The following CCSER2 variants were observed in gnomAD, a reference collection of about 807,000 sequenced individuals.
CCSER2 encodes coiled-coil serine rich protein 2, also known as serine-rich coiled-coil domain-containing protein 2.
Under a neutral mutation model 92.3 loss-of-function variants are expected in CCSER2, and 46 were observed. The observed-to-expected ratio is 0.50, with a 90% CI of 0.39 to 0.64. CCSER2 has a LOEUF of 0.64. CCSER2 is among the 30% of genes least tolerant of loss of function. The pLI, the probability that CCSER2 is intolerant of heterozygous loss-of-function variation, is 0.00. For synonymous variants in CCSER2, 433 were observed against 431.4 expected (o/e 1.00, Z -0.04); for missense variants, 1,244 against 1,238.9 (o/e 1.00, Z -0.06).
chr10:84,349,229 C>CA (rs1272728035), intron 1 of CCSER2, among the ~76,000 whole-genome samples: 4 of 152,208 alleles, frequency 2.6e-5, no homozygotes, highest in African/African-American at 9.7e-5. Flanking sequence ...ATGCCTCCCA[C>CA]AAACCTTCCT....
rs570971364 is a variant in CCSER2 at position 84,427,819 on chromosome 10, C to G, written c.1868+1926C>G. ...ACATTCTCCTAATCATAACTGAAAC[C>G]TAGCTCTTTCCCAAATATACTACTT... On this transcript the variant is annotated intron_variant, in intron 5 of 9. Coordinates refer to ENST00000372088, the MANE Select transcript of CCSER2 (RefSeq NM_001284240.2). Among the ~76,000 whole-genome samples the G allele has an allele frequency of 3.9e-5, 6 of 152,276 alleles. 1 individual carries two copies. The South Asian group carries it at 1.2e-3, about 32-fold the overall frequency.
At chr10:84,477,188 A>G (rs1847198067) in intron 8 of CCSER2, among the ~76,000 whole-genome samples, 1 of 152,230 alleles carries the variant, frequency 6.6e-6, no homozygotes, top group Non-Finnish European at 1.5e-5. Flanking sequence ...ATAAAATCAT[A>G]TATTGTATGT....
In CCSER2 at chr10:84,373,815, A is replaced by G. The variant is rs1239701767; in HGVS notation, c.1614A>G (p.Ile538Met). 1 of 1,613,656 alleles carries G rather than the reference A, an allele frequency of 6.2e-7. No homozygotes were observed. Among genetic ancestry groups the G allele is most frequent in the Non-Finnish European group, 8.5e-7 (1 of 1,179,716 alleles). Reference protein sequence around the residue: ...GSYESSEMNSIDILNNLESCD... With the variant: ...GSYESSEMNSMDILNNLESCD... ...ATGAGTCCTCTGAAATGAACAGCAT[A>G]GTATGTATGGATTTATATACTCTTG... Residue 538 changes from isoleucine (I) to methionine (M), a missense_variant and splice_region_variant, in exon 3 of 10, where the codon ATA (isoleucine) becomes ATG (methionine). Ile to Met is a conservative substitution (Grantham distance 10, BLOSUM62 1). Coordinates refer to ENST00000372088, the MANE Select transcript of CCSER2 (RefSeq NM_001284240.2).
rs570184432 is a variant in CCSER2, at chr10:84,434,707, A to G, written c.1869-3805A>G. ...TTTTATTTAATATTTACTATATATT[A>G]TGTATTAGTCCAAGCACTTTAACAT... On this transcript the variant is annotated intron_variant, in intron 5 of 9. Transcript: ENST00000372088. Among the ~76,000 whole-genome samples, 11 of 152,266 alleles carry G rather than the reference A, an allele frequency of 7.2e-5. 1 individual carries two copies. The highest frequency in any genetic ancestry group is 2.0e-4 in the Admixed American group (3 of 15,290).
At chr10:84,339,804 A>G (rs935023209) in intron 1 of CCSER2, among the ~76,000 whole-genome samples, 4 of 150,990 alleles carry the variant, frequency 2.6e-5, no homozygotes, top group African/African-American at 9.7e-5. Context: ...AATACCATTC[A>G]TCTTCTCAGC....
chr10:84,476,743 G>A (rs969922021), intron 8 of CCSER2, among the ~76,000 whole-genome samples: 2 of 151,902 alleles, frequency 1.3e-5, no homozygotes, highest in African/African-American at 4.8e-5. Context: ...GTGCCTGGCC[G>A]GGAGAATTCT....
intron 3 of CCSER2, among the ~76,000 whole-genome samples, chr10:84,376,979 C>T (rs1209979686): frequency 6.6e-6 from 1 of 151,984 alleles, no homozygotes; most frequent in Non-Finnish European, 1.5e-5. Context: ...TAGGATATAT[C>T]CTCTTCTGTG....
At chr10:84,454,436 G>C (rs569032865) in intron 6 of CCSER2, among the ~76,000 whole-genome samples, 1 of 152,252 alleles carries the variant, frequency 6.6e-6, no homozygotes, top group South Asian at 2.1e-4. Flanking sequence ...TCAAGCTAGT[G>C]CAGTTCTATT....
intron 8 of CCSER2, among the ~76,000 whole-genome samples, chr10:84,474,091 A>G (rs1189816916): frequency 1.3e-5 from 2 of 152,230 alleles, no homozygotes; most frequent in African/African-American, 2.4e-5. Flanking sequence ...AATGCTAAGA[A>G]TGCCTGTTTA....
At chr10:84,365,650 C>G (rs1845740317) in intron 1 of CCSER2, among the ~76,000 whole-genome samples, 1 of 152,222 alleles carries the variant, frequency 6.6e-6, no homozygotes, top group Non-Finnish European at 1.5e-5. Flanking sequence ...AACAGTGTGT[C>G]TCTCTTGTGG....
At chr10:84,469,289 TTTTGTCTTTATGAA>T (rs1386904902) in intron 7 of CCSER2, among the ~76,000 whole-genome samples, 1 of 152,190 alleles carries the variant, frequency 6.6e-6, no homozygotes, top group African/African-American at 2.4e-5. Context: ...AATCCATCTT[TTTTGTCTTTATGAA>T]TTTTTATAAT....
intron 9 of CCSER2, among the ~76,000 whole-genome samples, chr10:84,501,505 T>A (rs185195338): frequency 5.3e-5 from 8 of 152,240 alleles, no homozygotes; most frequent in Non-Finnish European, 8.8e-5. Flanking sequence ...AAATAGAGTT[T>A]CAGCTTTACT....
chr10:84,437,167 A>C (rs1368856314), intron 5 of CCSER2, among the ~76,000 whole-genome samples: 1 of 151,858 alleles, frequency 6.6e-6, no homozygotes, highest in Non-Finnish European at 1.5e-5. Context: ...AGAGAGAGAG[A>C]GAGAGAGACA....
intron 6 of CCSER2, among the ~76,000 whole-genome samples, chr10:84,463,300 T>A (rs980332067): frequency 1.3e-5 from 2 of 152,222 alleles, no homozygotes; most frequent in African/African-American, 2.4e-5. Context: ...TTAACTACCG[T>A]ACACTCAGGA....
intron 3 of CCSER2, among the ~76,000 whole-genome samples, chr10:84,412,353 T>C (rs1172539562): frequency 6.6e-6 from 1 of 152,184 alleles, no homozygotes; most frequent in Non-Finnish European, 1.5e-5. Context: ...TTGAATAGTT[T>C]TAAGTAGAAC....
Position 84,470,597 on chromosome 10 carries a change from G to A in CCSER2, c.2235+139G>A, listed in dbSNP as rs187728991. The stretch of plus-strand genomic sequence containing the variant: ...CTTTTATATTATTTTTAGATTATAT[G>A]CACTGTAATAAAAGTATGTGATTTA... On this transcript the variant is annotated intron_variant, in intron 8 of 9. Transcript: ENST00000372088. 2,379 of 557,798 alleles carry A rather than the reference G, an allele frequency of 4.3e-3. 11 individuals carry two copies. The highest frequency in any genetic ancestry group is 4.9e-3 in the Non-Finnish European group (1,801 of 370,764). The allele number at this position is 557,798 out of a possible 1,614,324, so 34.6% of individuals were successfully genotyped here.
intron 1 of CCSER2, among the ~76,000 whole-genome samples, chr10:84,331,560 C>T (rs1843563699): frequency 6.6e-6 from 1 of 152,186 alleles, no homozygotes; most frequent in Non-Finnish European, 1.5e-5. Context: ...TGGCTAATAG[C>T]ATGGCTAAAA....
chr10:84,427,729 C>G (rs760903908), intron 5 of CCSER2, among the ~76,000 whole-genome samples: 20 of 152,182 alleles, frequency 1.3e-4, no homozygotes, highest in Non-Finnish European at 2.5e-4. Context: ...TTTTCTACAC[C>G]TTTTGATATG....
At position 84,513,562 on chromosome 10, in the gene CCSER2, G is replaced by T. The variant is rs371447543; in HGVS notation, c.2439G>T (p.Met813Ile). The T allele has an allele frequency of 5.0e-6, 8 of 1,614,034 alleles. No individual in the cohort carries two copies. The highest frequency in any genetic ancestry group is 5.9e-6 in the Non-Finnish European group (7 of 1,180,020). ...GCAGTGAATGCTCAATCCAAGACAT[G>T]CATCAGGGCGGTGCACATCCGGAAG... ...EARSECSIQD[M>I]HQGGAHPEES... Residue 813 changes from methionine to isoleucine, a missense_variant, in exon 10 of 10, where the codon ATG becomes ATT. Met to Ile is a conservative substitution (Grantham distance 10, BLOSUM62 1). Coordinates refer to ENST00000372088, the MANE Select transcript of CCSER2 (RefSeq NM_001284240.2).
Sources: allele counts gnomAD v4.1 joint callset (sites outside exome capture counted in the v4.1 genomes callset), GRCh38; gene constraint gnomAD v4.1.1; transcripts MANE v1.5; gene names NCBI Gene and HGNC (gene_info 2026-07-23, HGNC 2026-07-21).